RELN: variants seen among roughly 807,000 people sequenced by gnomAD.
The protein encoded by RELN is reelin.
In RELN, 108 loss-of-function variants were observed where a neutral mutation model predicts 427.6. That is an observed-to-expected ratio of 0.25 (90% CI 0.22 to 0.30). The LOEUF (loss-of-function observed/expected upper bound fraction) is 0.30. RELN is among the 10% of genes least tolerant of loss of function. RELN has a pLI of 1.00. For missense variants in RELN, 3,715 were observed against 4,302.8 expected (o/e 0.86, Z 3.82); for synonymous variants, 1,524 against 1,513.4 (o/e 1.01, Z -0.16).
At chr7:103,713,417 G>T (rs985754777) in intron 8 of RELN, among the ~76,000 whole-genome samples, 4 of 152,168 alleles carry the variant, frequency 2.6e-5, no homozygotes, top group Non-Finnish European at 4.4e-5. Context: ...ATAGATTAAT[G>T]GAGAACAGGA....
At chr7:103,520,982 T>A (rs1164892203) in intron 48 of RELN, among the ~76,000 whole-genome samples, 11 of 133,416 alleles carry the variant, frequency 8.2e-5, no homozygotes, top group Non-Finnish European at 1.5e-4. Context: ...TTTTTTTTTT[T>A]TTTTTGAGAC....
At chr7:103,966,816 G>A (rs1425264260) in intron 1 of RELN, among the ~76,000 whole-genome samples, 2 of 152,202 alleles carry the variant, frequency 1.3e-5, no homozygotes, top group Non-Finnish European at 2.9e-5. Flanking sequence ...TTCCCTTGAA[G>A]GAAAATTATA....
At position 103,872,483 on chromosome 7, in the gene RELN, T is replaced by C. The variant is rs1379148300; in HGVS notation, c.338-38811A>G. On this transcript the variant is annotated intron_variant, in intron 2 of 64. Transcript: ENST00000428762. ...TATCATTGTTGGACATTTGGGTTGG[T>C]TCCAAGTCTTTGCTATTGTGAATAA... is the stretch of plus-strand genomic sequence containing the variant. 3.0e-5 allele frequency among the ~76,000 whole-genome samples: 4 copies of C among 134,230 alleles called. 1 individual carries two copies. The highest frequency in any genetic ancestry group is 3.5e-4 in the South Asian group (1 of 2,834). The allele number at this position is 134,230 out of a possible 152,430, so 88.1% of individuals were successfully genotyped here.
chr7:103,472,126 C>T lies in RELN; in HGVS notation c.*686G>A, dbSNP rs1827879485. On this transcript the variant is annotated 3_prime_UTR_variant, in exon 65 of 65. Coordinates refer to ENST00000428762, the MANE Select transcript of RELN (RefSeq NM_005045.4). Reference sequence around the variant, plus strand: ...TTGTGGGAGATAGGGTCTTCATCCACAATTTAAAGTAGAAAATATTTCAGG... The same window carrying T: ...TTGTGGGAGATAGGGTCTTCATCCATAATTTAAAGTAGAAAATATTTCAGG... 1 of 152,376 alleles carries T rather than the reference C, an allele frequency of 6.6e-6. No homozygotes were observed. Among genetic ancestry groups the T allele is most frequent in the Non-Finnish European group, 1.5e-5 (1 of 68,104 alleles). 9.4% of individuals were successfully genotyped at this position (152,376 alleles called of 1,614,324 possible).
chr7:103,938,147 C>G (rs538275656), intron 1 of RELN, among the ~76,000 whole-genome samples: 15 of 152,060 alleles, frequency 9.9e-5, no homozygotes, highest in African/African-American at 2.9e-4. Flanking sequence ...ATGGTAAAAC[C>G]CTGTCTCTAC....
intron 2 of RELN, among the ~76,000 whole-genome samples, chr7:103,897,656 G>T (rs55951718): frequency 0.072 from 10,876 of 152,000 alleles, 465 homozygotes; most frequent in African/African-American, 0.13. Context: ...GGTGGAAAAG[G>T]CACCTGTTAA....
intron 51 of RELN, chr7:103,504,292 C>A (rs555753408): frequency 2.0e-5 from 3 of 152,214 alleles, no homozygotes; most frequent in Non-Finnish European, 2.9e-5. Context: ...TAGAAATAAC[C>A]ATTATAGCTT....
chr7:103,898,989 C>T (rs17157144), intron 2 of RELN, among the ~76,000 whole-genome samples: 16,848 of 151,806 alleles, frequency 0.11, 1,155 homozygotes, highest in East Asian at 0.27. Context: ...TTCTTTAAAA[C>T]GGTGCTTCCC....
intron 34 of RELN, 107 bp from the exon 35 acceptor site, chr7:103,562,060 C>A: frequency 2.3e-6 from 3 of 1,328,146 alleles, no homozygotes; most frequent in Non-Finnish European, 3.1e-6. Context: ...TGCCTTCCTC[C>A]AGGGTCCAGT....
intron 38 of RELN, among the ~76,000 whole-genome samples, chr7:103,555,414 T>C (rs1430071974): frequency 2.0e-5 from 3 of 152,206 alleles, no homozygotes; most frequent in Non-Finnish European, 1.5e-5. Context: ...CTAGTAGCAT[T>C]CTTTCCTCTT....
At chr7:103,654,543 T>C (rs1053902507) in intron 12 of RELN, among the ~76,000 whole-genome samples, 1 of 152,092 alleles carries the variant, frequency 6.6e-6, no homozygotes, top group Admixed American at 6.6e-5. Context: ...GTTATTTCCT[T>C]AATTTGAGGT....
rs1795302904 is a variant in RELN at position 103,909,706 on chromosome 7, A to G, written c.337+7369T>C. The stretch of plus-strand genomic sequence containing the variant: ...TTTAATAAATATATATATTTAATAT[A>G]TATAAATATATATTAAATATATTTT... On this transcript the variant is annotated intron_variant, in intron 2 of 64. Transcript: ENST00000428762. Among the ~76,000 whole-genome samples the G allele has an allele frequency of 3.7e-5, 2 of 54,002 alleles. 1 individual carries two copies. Among genetic ancestry groups the G allele is most frequent in the South Asian group, 1.2e-3 (2 of 1,660 alleles). The allele number at this position is 54,002 out of a possible 152,430, so 35.4% of individuals were successfully genotyped here.
chr7:103,595,700 T>A (rs1831520689), intron 25 of RELN, among the ~76,000 whole-genome samples: 1 of 152,014 alleles, frequency 6.6e-6, no homozygotes, highest in African/African-American at 2.4e-5. Flanking sequence ...ATACAAAAAA[T>A]TATTTTTTTG....
intron 3 of RELN, among the ~76,000 whole-genome samples, chr7:103,792,959 C>T (rs1792204369): frequency 1.3e-5 from 2 of 152,100 alleles, no homozygotes; most frequent in East Asian, 3.9e-4. Flanking sequence ...ATTTTTGTTG[C>T]TTGAAACATG....
At chr7:103,583,510 T>G (rs1183646250) in intron 28 of RELN, among the ~76,000 whole-genome samples, 1 of 152,204 alleles carries the variant, frequency 6.6e-6, no homozygotes, top group South Asian at 2.1e-4. Context: ...TGTGACAAGT[T>G]AAGTGTGTGA....
At chr7:103,768,622 A>G (rs1791485678) in intron 4 of RELN, among the ~76,000 whole-genome samples, 2 of 152,240 alleles carry the variant, frequency 1.3e-5, no homozygotes, top group Admixed American at 1.3e-4. Context: ...TTGATCATTC[A>G]GCAAACATTT....
intron 11 of RELN, among the ~76,000 whole-genome samples, chr7:103,664,700 A>G (rs1833218919): frequency 6.6e-6 from 1 of 152,080 alleles, no homozygotes; most frequent in African/African-American, 2.4e-5. Context: ...ATTTTATCTC[A>G]ACTTTGCATT....
intron 2 of RELN, among the ~76,000 whole-genome samples, chr7:103,877,171 C>T (rs1035383026): frequency 9.2e-5 from 14 of 152,110 alleles, no homozygotes; most frequent in Non-Finnish European, 1.6e-4. Flanking sequence ...CCTCTCTTCT[C>T]CCTTTCTCCT....
intron 45 of RELN, among the ~76,000 whole-genome samples, chr7:103,538,660 A>G (rs1830109618): frequency 6.6e-6 from 1 of 152,166 alleles, no homozygotes; most frequent in African/African-American, 2.4e-5. Context: ...CTGTGAATAT[A>G]TATATTAATA....
Sources: gnomAD v4.1 joint callset for allele counts (sites outside exome capture counted in the v4.1 genomes callset) on GRCh38, gnomAD v4.1.1 for gene constraint, MANE v1.5 for transcripts, NCBI Gene and HGNC (gene_info 2026-07-23, HGNC 2026-07-21) for gene names.